Variants in FAM171B observed in about 807,000 individuals in gnomAD.
FAM171B encodes the protein family with sequence similarity 171 member B.
A neutral mutation model predicts 75.6 loss-of-function variants in FAM171B; 19 were observed. The observed-to-expected ratio is 0.25, with a 90% CI of 0.18 to 0.37. The LOEUF (loss-of-function observed/expected upper bound fraction) is 0.37. Ranked by LOEUF, FAM171B falls within the 10% of genes least tolerant of loss-of-function variation. The pLI is 1.00. For missense variants in FAM171B, 848 were observed against 982.4 expected (o/e 0.86, Z 1.83); for synonymous variants, 367 against 361.7 (o/e 1.01, Z -0.17).
intron 5 of FAM171B, among the ~76,000 whole-genome samples, chr2:186,752,308 A>G (rs1287126344): frequency 1.3e-5 from 2 of 152,158 alleles, no homozygotes; most frequent in African/African-American, 4.8e-5. Flanking sequence ...GGCGCAATAG[A>G]TCCTCAAAAC....
In FAM171B at chr2:186,736,567, G is replaced by GTGTGGGAGAGAGA. The variant is rs55683607; in HGVS notation, c.239-3661_239-3660insTGTGGGAGAGAGA. On this transcript the variant is annotated intron_variant, in intron 1 of 7. Coordinates refer to ENST00000304698, the MANE Select transcript of FAM171B (RefSeq NM_177454.4). ...GTGTGTGTGTGTGTGTGTGTGTGTGGGAGAGAGAGAGAGAGAGAGAGAATG... is the reference window on the plus strand; with the variant it reads ...GTGTGTGTGTGTGTGTGTGTGTGTGGTGTGGGAGAGAGAGAGAGAGAGAGAGAGAGAGAGAATG... Among the ~76,000 whole-genome samples, 30 of 104,628 alleles carry GTGTGGGAGAGAGA rather than the reference G, an allele frequency of 2.9e-4. 1 individual carries two copies. Among genetic ancestry groups the GTGTGGGAGAGAGA allele is most frequent in the Middle Eastern group, 5.5e-3 (1 of 182 alleles). The allele number at this position is 104,628 out of a possible 152,430, so 68.6% of individuals were successfully genotyped here. A position where few individuals can be genotyped will look rare whatever the true frequency, so the allele number is the denominator to read the frequency against.
intron 3 of FAM171B, among the ~76,000 whole-genome samples, chr2:186,745,120 G>A (rs1161016327): frequency 6.6e-6 from 1 of 152,204 alleles, no homozygotes; most frequent in Admixed American, 6.5e-5. Flanking sequence ...GACTGGCCTT[G>A]CCAGAATTTT....
chr2:186,715,570 G>A (rs1321985520), intron 1 of FAM171B, among the ~76,000 whole-genome samples: 1 of 152,142 alleles, frequency 6.6e-6, no homozygotes, highest in African/African-American at 2.4e-5. Context: ...TATAAGGCAG[G>A]ATGTCATAAT....
intron 1 of FAM171B, among the ~76,000 whole-genome samples, chr2:186,698,082 C>T (rs921689684): frequency 2.0e-5 from 3 of 152,016 alleles, no homozygotes; most frequent in African/African-American, 7.2e-5. Flanking sequence ...TTTGAGGGTC[C>T]TGAGAAGAAT....
chr2:186,707,850 A>T (rs1357743471), intron 1 of FAM171B, among the ~76,000 whole-genome samples: 1 of 152,032 alleles, frequency 6.6e-6, no homozygotes, highest in South Asian at 2.1e-4. Flanking sequence ...TTAAAAAAAA[A>T]AAAAGGTTTT....
At chr2:186,739,437 A>T (rs999132850) in intron 1 of FAM171B, among the ~76,000 whole-genome samples, 3 of 152,108 alleles carry the variant, frequency 2.0e-5, no homozygotes, top group South Asian at 4.2e-4. Context: ...AACTGTACAA[A>T]TTTTTTTCTA....
rs1690449106 is a variant in FAM171B, at chr2:186,751,288, A to G, written c.879A>G (p.Thr293=). 1 of 1,593,862 alleles carries G rather than the reference A, an allele frequency of 6.3e-7. No individual in the cohort carries two copies. Among genetic ancestry groups the G allele is most frequent in the Non-Finnish European group, 8.6e-7 (1 of 1,167,536 alleles). ...ISAGDRIPAW[T]FDMNTGAWVN... is the part of the protein sequence containing the mutation. Reference sequence around the variant, plus strand: ...CAGGGGATCGCATACCTGCTTGGACATTTGATATGAACACAGGTATGTGAG... The same window carrying G: ...CAGGGGATCGCATACCTGCTTGGACGTTTGATATGAACACAGGTATGTGAG... Residue 293 remains threonine, a synonymous_variant, in exon 5 of 8, where the codon ACA becomes ACG. Coordinates refer to ENST00000304698, the MANE Select transcript of FAM171B (RefSeq NM_177454.4).
At chr2:186,725,483 G>T (rs1041842268) in intron 1 of FAM171B, among the ~76,000 whole-genome samples, 1 of 152,124 alleles carries the variant, frequency 6.6e-6, no homozygotes, top group African/African-American at 2.4e-5. Context: ...ATGCCTCAGC[G>T]CAGAGGGGAT....
At chr2:186,755,100 A>C (rs1401043534) in intron 6 of FAM171B, among the ~76,000 whole-genome samples, 2 of 152,156 alleles carry the variant, frequency 1.3e-5, no homozygotes, top group Non-Finnish European at 2.9e-5. Context: ...ATTGATCTCA[A>C]GTTGTGTACA....
chr2:186,702,979 T>C (rs1209248833), intron 1 of FAM171B, among the ~76,000 whole-genome samples: 3 of 152,164 alleles, frequency 2.0e-5, no homozygotes, highest in Non-Finnish European at 2.9e-5. Context: ...AAATATTTCA[T>C]TTGCCAGTAT....
rs138571188 is a variant in FAM171B at position 186,719,133 on chromosome 2, T to C, written c.239-21095T>C. On this transcript the variant is annotated intron_variant, in intron 1 of 7. Coordinates refer to ENST00000304698, the MANE Select transcript of FAM171B (RefSeq NM_177454.4). ...AATTTACTAAGGTGTCAGAGAAACATTGGAGAAAATGCTCCATCTAATTCT... is the reference window on the plus strand; with the variant it reads ...AATTTACTAAGGTGTCAGAGAAACACTGGAGAAAATGCTCCATCTAATTCT... 9.0e-3 allele frequency among the ~76,000 whole-genome samples: 1,376 copies of C among 152,328 alleles called. 25 individuals carry two copies. The highest frequency in any genetic ancestry group is 0.031 in the African/African-American group (1,299 of 41,568).
At chr2:186,726,687 AT>A (rs1197356351) in intron 1 of FAM171B, among the ~76,000 whole-genome samples, 2 of 152,122 alleles carry the variant, frequency 1.3e-5, no homozygotes, top group Non-Finnish European at 2.9e-5. Context: ...TTTGCCTTAT[AT>A]TTATTTAGGA....
At chr2:186,754,248 A>G (rs1690498008) in intron 6 of FAM171B, among the ~76,000 whole-genome samples, 199 bp downstream of exon 6, 2 of 152,194 alleles carry the variant, frequency 1.3e-5, no homozygotes, top group African/African-American at 2.4e-5. Flanking sequence ...TTATAGTTAT[A>G]TCTGATGAAT....
At chr2:186,700,834 T>C (rs1453611464) in intron 1 of FAM171B, among the ~76,000 whole-genome samples, 1 of 152,196 alleles carries the variant, frequency 6.6e-6, no homozygotes, top group Admixed American at 6.5e-5. Flanking sequence ...GGAACTTACC[T>C]CTCTTAAGAT....
At chr2:186,706,283 T>A (rs1689731699) in intron 1 of FAM171B, among the ~76,000 whole-genome samples, 1 of 152,254 alleles carries the variant, frequency 6.6e-6, no homozygotes, top group East Asian at 1.9e-4. Flanking sequence ...TCTACAGTGA[T>A]TTAAATCTGT....
At position 186,762,708 on chromosome 2, in the gene FAM171B, T is replaced by C. The variant is rs746240650; in HGVS notation, c.2366T>C (p.Phe789Ser). Residue 789 changes from phenylalanine (F) to serine (S), a missense_variant, in exon 8 of 8, where the codon TTT becomes TCT. By Grantham distance (155) the Phe-to-Ser change is radical. Transcript: ENST00000304698. The surrounding 1 kb of genome is among the most constrained non-coding windows in gnomAD (Gnocchi z 4.0). ...SPGRKSTVED[F>S]EANTSPTKRR... ...GGAAGGAAAAGCACTGTTGAAGATT[T>C]TGAAGCTAATACATCCCCCACTAAA... 6.2e-7 allele frequency: 1 copy of C among 1,612,762 alleles called. No homozygotes were observed. Among genetic ancestry groups the C allele is most frequent in the Non-Finnish European group, 8.5e-7 (1 of 1,179,528 alleles).
chr2:186,727,579 G>C lies in FAM171B; in HGVS notation c.239-12649G>C, dbSNP rs189594161. ...AATGAATTAGCATGACTGCGTTCCA[G>C]TAAAAGTTTATTTACAAAATCAGAG... On this transcript the variant is annotated intron_variant, in intron 1 of 7. Coordinates refer to ENST00000304698, the MANE Select transcript of FAM171B (RefSeq NM_177454.4). Among the ~76,000 whole-genome samples the C allele has an allele frequency of 1.3e-5, 2 of 151,964 alleles. 1 individual carries two copies. Among genetic ancestry groups the C allele is most frequent in the East Asian group, 3.9e-4 (2 of 5,128 alleles).
chr2:186,761,235 A>C lies in FAM171B; in HGVS notation c.1135A>C (p.Arg379=). 6.2e-7 allele frequency: 1 copy of C among 1,612,026 alleles called. No homozygotes were observed. Among genetic ancestry groups the C allele is most frequent in the Non-Finnish European group, 8.5e-7 (1 of 1,179,010 alleles). ...GFFAVLLCYC[R]DKCGTPQKRE... is the part of the protein sequence containing the mutation. ...TTTTGCTGTACTACTTTGTTATTGCAGGTAAGAAAATGGCTATAAACACAG... is the reference window on the plus strand; with the variant it reads ...TTTTGCTGTACTACTTTGTTATTGCCGGTAAGAAAATGGCTATAAACACAG... The change falls in exon 7 of 8, where the codon AGG becomes CGG. Residue 379 remains arginine (R), a splice_region_variant and synonymous_variant. Coordinates refer to ENST00000304698, the MANE Select transcript of FAM171B (RefSeq NM_177454.4).
At chr2:186,754,602 T>C (rs969051823) in intron 6 of FAM171B, among the ~76,000 whole-genome samples, 31 of 152,286 alleles carry the variant, frequency 2.0e-4, no homozygotes, top group African/African-American at 7.2e-4. Context: ...TGAAGAATGA[T>C]CATCCTATTG....
Sources: gnomAD v4.1 joint callset for allele counts (sites outside exome capture counted in the v4.1 genomes callset) on GRCh38, gnomAD v4.1.1 for gene constraint, Gnocchi (gnomAD v3.1) non-coding constraint, MANE v1.5 for transcripts, NCBI Gene and HGNC (gene_info 2026-07-23, HGNC 2026-07-21) for gene names.